ZFHX3: variants seen among roughly 807,000 people sequenced by gnomAD.
ZFHX3 encodes the protein zinc finger homeobox protein 3.
ZFHX3 carries 42 observed loss-of-function variants against 279.1 expected under a neutral mutation model. The ratio of observed to expected loss-of-function variants is 0.15; its 90% CI spans 0.12 to 0.19. The LOEUF (loss-of-function observed/expected upper bound fraction) is 0.19. Among genes scored for constraint, ZFHX3 ranks in the 10% least tolerant of loss-of-function variants. ZFHX3 has a pLI of 1.00. For synonymous variants in ZFHX3, 2,293 were observed against 1,957.8 expected, an observed-to-expected ratio of 1.17 and a Z score of -4.52; for missense variants, 4,981 against 4,754.0, an observed-to-expected ratio of 1.05 and a Z score of -1.40.
At chr16:73,249,824 T>TCGCACACA (rs1555506162) in intron 5 of ZFHX3, among the ~76,000 whole-genome samples, 1 of 148,674 alleles carries the variant, frequency 6.7e-6, no homozygotes, top group Non-Finnish European at 1.5e-5. Context: ...AACAGGCACT[T>TCGCACACA]CACACACACA....
intron 1 of ZFHX3, among the ~76,000 whole-genome samples, chr16:73,855,092 T>G (rs985030424): frequency 2.0e-5 from 3 of 152,176 alleles, no homozygotes; most frequent in African/African-American, 7.2e-5. Context: ...ATAAGGACCT[T>G]ACATTTTTCT....
At chr16:73,712,399 C>T (rs1440975059) in intron 1 of ZFHX3, among the ~76,000 whole-genome samples, 2 of 152,206 alleles carry the variant, frequency 1.3e-5, no homozygotes, top group African/African-American at 4.8e-5. Flanking sequence ...TCAATTCAAA[C>T]CCAGGCCTCT....
At chr16:73,436,292 G>C (rs2017996754) in intron 3 of ZFHX3, among the ~76,000 whole-genome samples, 1 of 152,172 alleles carries the variant, frequency 6.6e-6, no homozygotes, top group Non-Finnish European at 1.5e-5. Flanking sequence ...TTGCACTCCA[G>C]CCTGGGCAAC....
intron 4 of ZFHX3, among the ~76,000 whole-genome samples, chr16:73,269,638 G>C (rs1325954044): frequency 2.1e-4 from 32 of 152,106 alleles, no homozygotes; most frequent in Admixed American, 2.1e-3. Flanking sequence ...ATCTTTGTTT[G>C]GGTATATGTT....
chr16:73,056,873 A>C (rs953937285), intron 1 of ZFHX3, among the ~76,000 whole-genome samples: 2 of 152,208 alleles, frequency 1.3e-5, no homozygotes, highest in Non-Finnish European at 2.9e-5. Flanking sequence ...CTCCCAAAGT[A>C]GGGAGGAAAA....
At chr16:73,025,399 G>A (rs1426717974) in intron 1 of ZFHX3, among the ~76,000 whole-genome samples, 1 of 152,168 alleles carries the variant, frequency 6.6e-6, no homozygotes, top group African/African-American at 2.4e-5. Context: ...GATGTCAAGT[G>A]TCAGCAAGTA....
intron 2 of ZFHX3, among the ~76,000 whole-genome samples, chr16:73,485,987 T>A (rs1013317897): frequency 1.3e-5 from 2 of 152,238 alleles, no homozygotes; most frequent in Non-Finnish European, 2.9e-5. Flanking sequence ...TGTTCATCAA[T>A]GTGTCCCAAG....
chr16:73,216,109 C>T (rs922819521), intron 5 of ZFHX3, among the ~76,000 whole-genome samples: 1 of 152,110 alleles, frequency 6.6e-6, no homozygotes, highest in Non-Finnish European at 1.5e-5. Flanking sequence ...CAAAGCAGGC[C>T]TATAGATACA....
chr16:73,449,063 C>T (rs1468340670), intron 3 of ZFHX3, among the ~76,000 whole-genome samples: 5 of 152,006 alleles, frequency 3.3e-5, no homozygotes, highest in Admixed American at 1.3e-4. Flanking sequence ...TTCTCAAACT[C>T]GGAGTATGAC....
intron 3 of ZFHX3, among the ~76,000 whole-genome samples, chr16:72,890,705 A>G (rs1222315543): frequency 1.3e-5 from 2 of 152,230 alleles, no homozygotes; most frequent in African/African-American, 4.8e-5. Flanking sequence ...TTTATTCTCT[A>G]AAGTGTCCTG....
intron 1 of ZFHX3, among the ~76,000 whole-genome samples, chr16:73,704,860 G>A (rs2053288319): frequency 6.6e-6 from 1 of 152,194 alleles, no homozygotes; most frequent in East Asian, 1.9e-4. Flanking sequence ...TGTCCCACCT[G>A]AGAGGTGAGG....
At chr16:73,230,541 G>C (rs568033582) in intron 5 of ZFHX3, among the ~76,000 whole-genome samples, 1 of 152,320 alleles carries the variant, frequency 6.6e-6, no homozygotes, top group East Asian at 1.9e-4. Flanking sequence ...AAATGGAGGA[G>C]AAAAGTGACT....
intron 3 of ZFHX3, among the ~76,000 whole-genome samples, chr16:73,390,561 T>C (rs149983943): frequency 3.0e-4 from 45 of 152,274 alleles, no homozygotes; most frequent in African/African-American, 1.0e-3. Context: ...CAACAAATCA[T>C]AAAGCAGGAT....
chr16:73,703,152 G>C (rs1035670471), intron 1 of ZFHX3, among the ~76,000 whole-genome samples: 5 of 152,182 alleles, frequency 3.3e-5, no homozygotes, highest in Non-Finnish European at 2.9e-5. Flanking sequence ...TGCAGAGGCT[G>C]CTTTCCTGCC....
chr16:73,787,383 C>T (rs1256280249), intron 1 of ZFHX3, among the ~76,000 whole-genome samples: 1 of 152,168 alleles, frequency 6.6e-6, no homozygotes, highest in African/African-American at 2.4e-5. Flanking sequence ...CACGGATCAA[C>T]CTCAGCAAGC....
At chr16:73,300,320 A>T (rs2143129393) in intron 4 of ZFHX3, among the ~76,000 whole-genome samples, 1 of 151,446 alleles carries the variant, frequency 6.6e-6, no homozygotes, top group African/African-American at 2.4e-5. Context: ...GAAAATAAAG[A>T]TTCCATGAGG....
At chr16:73,324,238 G>GT (rs973141863) in intron 3 of ZFHX3, among the ~76,000 whole-genome samples, 14 of 152,136 alleles carry the variant, frequency 9.2e-5, no homozygotes, top group East Asian at 1.9e-4. Context: ...TTGCTGGATT[G>GT]TTTTTTTTCC....
chr16:73,049,837 AAC>A (rs1319004584), upstream of ZFHX3, among the ~76,000 whole-genome samples: 1 of 152,208 alleles, frequency 6.6e-6, no homozygotes, highest in African/African-American at 2.4e-5. Flanking sequence ...GTGTTTTCAA[AAC>A]ACACTGTTAT....
intron 2 of ZFHX3, among the ~76,000 whole-genome samples, chr16:73,456,705 A>G (rs1166104634): frequency 1.3e-5 from 2 of 152,218 alleles, no homozygotes; most frequent in East Asian, 1.9e-4. Context: ...CCAAATTAAT[A>G]GAGTGCCGCT....
Sources: gnomAD v4.1 joint callset for allele counts (sites outside exome capture counted in the v4.1 genomes callset) on GRCh38, gnomAD v4.1.1 for gene constraint, MANE v1.5 for transcripts, NCBI Gene and HGNC (gene_info 2026-07-23, HGNC 2026-07-21) for gene names.